TENT4B: variants seen among roughly 807,000 people sequenced by gnomAD.
TENT4B encodes the protein terminal nucleotidyltransferase 4B.
TENT4B carries 10 observed loss-of-function variants against 75.0 expected under a neutral mutation model. That is an observed-to-expected ratio of 0.13 (90% CI 0.08 to 0.23). The LOEUF (loss-of-function observed/expected upper bound fraction) is 0.23, where lower values mean the gene tolerates loss of function less well. Ranked by LOEUF, TENT4B falls within the 10% of genes least tolerant of loss-of-function variation. The probability of loss-of-function intolerance (pLI) is 1.00; values close to 1 mark genes in which losing one functional copy is unlikely to be tolerated. For missense variants in TENT4B, 579 were observed against 893.8 expected, an observed-to-expected ratio of 0.65 and a Z score of 4.49; for synonymous variants, 350 against 357.7, an observed-to-expected ratio of 0.98 and a Z score of 0.24.
chr16:50,206,384 G>A (rs2030971992), intron 1 of TENT4B, among the ~76,000 whole-genome samples: 1 of 143,268 alleles, frequency 7.0e-6, no homozygotes, highest in Non-Finnish European at 1.5e-5. Flanking sequence ...TTTGGTGGGG[G>A]CATGTCCTGT....
In TENT4B at chr16:50,234,358, G is replaced by A. The variant is rs917894318; in HGVS notation, c.*5030G>A. The A allele has an allele frequency of 8.7e-6, 8 of 923,086 alleles. No individual in the cohort carries two copies. The highest frequency in any genetic ancestry group is 3.4e-4 in the East Asian group (2 of 5,890). 57.2% of individuals were successfully genotyped at this position (923,086 alleles called of 1,614,324 possible). On this transcript the variant is annotated 3_prime_UTR_variant, in exon 12 of 12. Transcript: ENST00000561678. ...CTTGGAAAAGCATTCTCCAAAGCCA[G>A]CAACTTGGTGAAGTTCAGTACTTGC...
chr16:50,206,357 T>A (rs1412953397), intron 1 of TENT4B, among the ~76,000 whole-genome samples: 1 of 112,830 alleles, frequency 8.9e-6, no homozygotes, highest in Non-Finnish European at 2.0e-5. Flanking sequence ...TGTATGTATT[T>A]TTTTTTTTTT....
intron 1 of TENT4B, among the ~76,000 whole-genome samples, chr16:50,155,768 G>A (rs764083396): frequency 1.2e-4 from 18 of 152,152 alleles, no homozygotes; most frequent in South Asian, 4.1e-4. Context: ...CCAAGTCTAC[G>A]CGTAAACCTG....
chr16:50,170,946 C>A (rs1446325644), intron 1 of TENT4B, among the ~76,000 whole-genome samples: 1 of 144,368 alleles, frequency 6.9e-6, no homozygotes, highest in Non-Finnish European at 1.5e-5. Context: ...TAGGCATGAG[C>A]CACTGTGCCC....
intron 1 of TENT4B, among the ~76,000 whole-genome samples, chr16:50,205,916 G>A (rs7197272): frequency 6.6e-6 from 1 of 152,162 alleles, no homozygotes; most frequent in Non-Finnish European, 1.5e-5. Context: ...GCACACAAAA[G>A]AGATTCTGCT....
rs893724290 is a variant in TENT4B at position 50,214,928 on chromosome 16, C to A, written c.809+661C>A. ...TTATATATCCTCTTGAATGTGAGTT[C>A]CCGCTGTCTTGCTCACTCACTCTTA... On this transcript the variant is annotated intron_variant, in intron 3 of 11. Coordinates refer to ENST00000561678, the MANE Select transcript of TENT4B (RefSeq NM_001365324.3). 2.0e-5 allele frequency among the ~76,000 whole-genome samples: 3 copies of A among 152,134 alleles called. No homozygotes were observed. The South Asian group carries it at 6.2e-4, about 32-fold the overall frequency.
At chr16:50,181,020 A>G (rs890207003) in intron 1 of TENT4B, among the ~76,000 whole-genome samples, 7 of 152,262 alleles carry the variant, frequency 4.6e-5, no homozygotes, top group African/African-American at 1.7e-4. Flanking sequence ...CAAAATAGTT[A>G]TGTGGGCCAC....
At chr16:50,201,225 GT>G (rs923772169) in intron 1 of TENT4B, among the ~76,000 whole-genome samples, 3 of 152,014 alleles carry the variant, frequency 2.0e-5, no homozygotes, top group African/African-American at 4.8e-5. Flanking sequence ...ATTTGGTTTT[GT>G]TTTTTTGCTT....
At chr16:50,187,736 C>A (rs1356074814) in intron 1 of TENT4B, among the ~76,000 whole-genome samples, 1 of 151,880 alleles carries the variant, frequency 6.6e-6, no homozygotes, top group Non-Finnish European at 1.5e-5. Flanking sequence ...CTTAGGAATG[C>A]ACATAAGGCC....
Position 50,217,573 on chromosome 16 carries a change from A to C in TENT4B, c.948A>C (p.Leu316Phe). The change falls in exon 5 of 12, where the codon TTA becomes TTC. Residue 316 changes from leucine to phenylalanine, a missense_variant. Transcript: ENST00000561678. Reference sequence around the variant, plus strand: ...CTTTATAGGTACCTATTATTAAATTAACAGATTCTTTTACTGAAGTGAAAG... The same window carrying C: ...CTTTATAGGTACCTATTATTAAATTCACAGATTCTTTTACTGAAGTGAAAG... The part of the protein sequence containing the change: ...LDKATVPIIK[L>F]TDSFTEVKVD... 1 of 1,507,498 alleles carries C rather than the reference A, an allele frequency of 6.6e-7. No homozygotes were observed. The highest frequency in any genetic ancestry group is 1.3e-5 in the South Asian group (1 of 78,052). The allele number at this position is 1,507,498 out of a possible 1,614,324, so 93.4% of individuals were successfully genotyped here.
At position 50,211,459 on chromosome 16, in the gene TENT4B, C is replaced by T. The variant is rs2150734094; in HGVS notation, c.762+13C>T. ...GCCCAGCGCTGACGTGAGTCCCTTC[C>T]TGGGTAGCTTATGCTTCGGACAGTC... On this transcript the variant is annotated intron_variant, in intron 2 of 11. Transcript: ENST00000561678. The T allele has an allele frequency of 6.4e-7, 1 of 1,560,266 alleles. No individual in the cohort carries two copies. The highest frequency in any genetic ancestry group is 8.6e-7 in the Non-Finnish European group (1 of 1,162,748).
At position 50,153,412 on chromosome 16, in the gene TENT4B, A is replaced by G. The variant is rs2150655511; in HGVS notation, c.-210A>G. 6.9e-6 allele frequency among the ~76,000 whole-genome samples: 1 copy of G among 144,342 alleles called. No homozygotes were observed. The highest frequency in any genetic ancestry group is 2.5e-5 in the African/African-American group (1 of 39,952). 94.7% of individuals were successfully genotyped at this position (144,342 alleles called of 152,430 possible). A position where few individuals can be genotyped will look rare whatever the true frequency, so the allele number is the denominator to read the frequency against. On this transcript the variant is annotated 5_prime_UTR_variant, in exon 1 of 12. Transcript: ENST00000561678. Reference sequence around the variant, plus strand: ...GGAGGGAGGGGGGGAGGGCCCGCGGAGCCCCCGAGGGCGGGAGCGACGCCG... The same window carrying G: ...GGAGGGAGGGGGGGAGGGCCCGCGGGGCCCCCGAGGGCGGGAGCGACGCCG...
Position 50,183,329 on chromosome 16 carries a change from C to G in TENT4B, c.639-27994C>G, listed in dbSNP as rs376994058. 2.6e-5 allele frequency among the ~76,000 whole-genome samples: 4 copies of G among 152,112 alleles called. No individual in the cohort carries two copies. In the South Asian group the frequency reaches 8.3e-4, roughly 32 times the overall value. ...AAAGTGCTGGGATTACAGGTGTGAG[C>G]CACCGTGCCTGGCTGCTTTCTTGTA... On this transcript the variant is annotated intron_variant, in intron 1 of 11. Transcript: ENST00000561678.
At chr16:50,154,354 C>A in intron 1 of TENT4B, 95 bp downstream of exon 1, 1 of 1,348,930 alleles carries the variant, frequency 7.4e-7, no homozygotes, top group East Asian at 3.0e-5. Flanking sequence ...CTAGGAGCGG[C>A]CACCCCCACG....
intron 1 of TENT4B, among the ~76,000 whole-genome samples, chr16:50,199,773 A>G (rs2030516998): frequency 6.6e-6 from 1 of 152,190 alleles, no homozygotes; most frequent in Non-Finnish European, 1.5e-5. Flanking sequence ...CACCTACTGA[A>G]GGTCATTTTG....
At chr16:50,158,057 G>C (rs1224024691) in intron 1 of TENT4B, among the ~76,000 whole-genome samples, 1 of 152,028 alleles carries the variant, frequency 6.6e-6, no homozygotes, top group African/African-American at 2.4e-5. Flanking sequence ...GAGCCACCAT[G>C]CCTGGCCTTA....
intron 1 of TENT4B, among the ~76,000 whole-genome samples, chr16:50,190,683 A>G (rs1290520810): frequency 6.6e-6 from 1 of 152,064 alleles, no homozygotes; most frequent in Non-Finnish European, 1.5e-5. Context: ...GGGTAGCTAC[A>G]TTTTAAAACA....
intron 11 of TENT4B, among the ~76,000 whole-genome samples, chr16:50,228,548 T>C (rs537140208): frequency 4.6e-5 from 7 of 152,152 alleles, no homozygotes; most frequent in Non-Finnish European, 7.3e-5. Flanking sequence ...GCCATTGATA[T>C]GGGGCTCTGG....
At chr16:50,200,735 GA>G (rs775159719) in intron 1 of TENT4B, among the ~76,000 whole-genome samples, 1 of 151,572 alleles carries the variant, frequency 6.6e-6, no homozygotes, top group Non-Finnish European at 1.5e-5. Context: ...TCTTATTGTT[GA>G]ATATCATGAG....
Sources: gnomAD v4.1 joint callset for allele counts (sites outside exome capture counted in the v4.1 genomes callset) on GRCh38, gnomAD v4.1.1 for gene constraint, MANE v1.5 for transcripts, NCBI Gene and HGNC (gene_info 2026-07-23, HGNC 2026-07-21) for gene names.